GC: variants seen among roughly 807,000 people sequenced by gnomAD.
GC encodes GC vitamin D binding protein, also known as vitamin D-binding protein.
Under a neutral mutation model 56.7 loss-of-function variants are expected in GC, and 43 were observed. The observed-to-expected ratio is 0.76, with a 90% CI of 0.59 to 0.98. GC has a LOEUF of 0.98. GC is among the 50% of genes least tolerant of loss of function. GC has a pLI of 0.00. For missense variants in GC, 529 were observed against 545.9 expected, an observed-to-expected ratio of 0.97 and a Z score of 0.31; for synonymous variants, 216 against 202.7, an observed-to-expected ratio of 1.07 and a Z score of -0.56.
chr4:71,758,394 C>T (rs536606734), intron 6 of GC, among the ~76,000 whole-genome samples: 4 of 152,264 alleles, frequency 2.6e-5, no homozygotes, highest in African/African-American at 9.6e-5. Context: ...TACCCAAATG[C>T]AGCTTCTCTT....
chr4:71,753,058 T>C (rs1741607835), intron 10 of GC, among the ~76,000 whole-genome samples: 1 of 152,192 alleles, frequency 6.6e-6, no homozygotes, highest in Non-Finnish European at 1.5e-5. Context: ...TTATATAATT[T>C]CACCCTCAAT....
At chr4:71,805,362 T>G (rs1347388030), upstream of GC, among the ~76,000 whole-genome samples, 2 of 152,220 alleles carry the variant, frequency 1.3e-5, no homozygotes, top group African/African-American at 4.8e-5. Flanking sequence ...AAGGGTTCTG[T>G]CGCAATCTGT....
At chr4:71,754,296 C>T in intron 10 of GC, 115 bp downstream of exon 10, 1 of 618,304 alleles carries the variant, frequency 1.6e-6, no homozygotes, top group Non-Finnish European at 2.9e-6. Flanking sequence ...ATTGAACCTC[C>T]TTTTGTTGTT....
chr4:71,790,155 T>A (rs564603859), intron 1 of GC, among the ~76,000 whole-genome samples: 1 of 152,174 alleles, frequency 6.6e-6, no homozygotes, highest in Non-Finnish European at 1.5e-5. Flanking sequence ...TCTCGAAATC[T>A]GTTTTGTCTA....
intron 1 of GC, among the ~76,000 whole-genome samples, chr4:71,794,667 C>T (rs1721557352): frequency 6.6e-6 from 1 of 152,040 alleles, no homozygotes; most frequent in African/African-American, 2.4e-5. Context: ...TTGAGTTCTG[C>T]TCTGATCTTA....
chr4:71,801,422 C>A (rs1743245730), intron 1 of GC, among the ~76,000 whole-genome samples: 1 of 152,182 alleles, frequency 6.6e-6, no homozygotes, highest in African/African-American at 2.4e-5. Flanking sequence ...GCCGTAGACT[C>A]CTCTGCCTCC....
chr4:71,789,408 G>A lies in GC; in HGVS notation c.22-5354C>T, dbSNP rs554636126. 2.6e-5 allele frequency among the ~76,000 whole-genome samples: 4 copies of A among 151,984 alleles called. No individual in the cohort carries two copies. In the South Asian group the frequency reaches 6.2e-4, roughly 24 times the overall value. ...TGCTGTTTTATGTACATTCTCTAAT[G>A]AACAGGACTCTAAAGAGGAAGGACT... is the stretch of plus-strand genomic sequence containing the variant. On this transcript the variant is annotated intron_variant, in intron 1 of 13. Transcript: ENST00000504199.
At chr4:71,753,067 A>G (rs1209128071) in intron 10 of GC, among the ~76,000 whole-genome samples, 1 of 152,068 alleles carries the variant, frequency 6.6e-6, no homozygotes, top group Non-Finnish European at 1.5e-5. Context: ...TTCACCCTCA[A>G]TTTATCTACT....
chr4:71,797,153 T>C (rs541986484), intron 1 of GC, among the ~76,000 whole-genome samples: 42 of 152,330 alleles, frequency 2.8e-4, no homozygotes, highest in African/African-American at 9.6e-4. Context: ...AGGGACCCAC[T>C]TGAGGAGGCA....
intron 1 of GC, among the ~76,000 whole-genome samples, chr4:71,797,018 G>T (rs1351601043): frequency 6.6e-6 from 1 of 152,176 alleles, no homozygotes; most frequent in Non-Finnish European, 1.5e-5. Flanking sequence ...AGCAAATATT[G>T]CAGAACAGCA....
chr4:71,804,113 C>A, upstream of GC: 1 of 644,468 alleles, frequency 1.6e-6, no homozygotes, highest in Non-Finnish European at 2.8e-6. Context: ...AATTATATGC[C>A]AGGTCTGTCC....
upstream of GC, among the ~76,000 whole-genome samples, chr4:71,805,503 G>A (rs1275196713): frequency 2.0e-5 from 3 of 152,258 alleles, no homozygotes; most frequent in East Asian, 3.9e-4. Context: ...CAGCACTAGT[G>A]GCTGAAGAAT....
intron 1 of GC, among the ~76,000 whole-genome samples, chr4:71,771,761 G>C (rs1742350949): frequency 6.6e-6 from 1 of 152,136 alleles, no homozygotes; most frequent in Non-Finnish European, 1.5e-5. Flanking sequence ...TGGATATTGT[G>C]ACACGTTCAA....
At chr4:71,742,906 G>A (rs1039385210) in intron 12 of GC, among the ~76,000 whole-genome samples, 19 of 152,280 alleles carry the variant, frequency 1.2e-4, no homozygotes, top group South Asian at 8.3e-4. Flanking sequence ...CCTGGGAGGC[G>A]GAGCTTGCGG....
At chr4:71,805,361 G>A (rs1436817135), upstream of GC, among the ~76,000 whole-genome samples, 9 of 152,170 alleles carry the variant, frequency 5.9e-5, no homozygotes, top group Admixed American at 5.9e-4. Flanking sequence ...CAAGGGTTCT[G>A]TCGCAATCTG....
At chr4:71,784,101 T>A, upstream of GC, 2 of 1,536,978 alleles carry the variant, frequency 1.3e-6, no homozygotes, top group East Asian at 4.7e-5. Context: ...ATTGGTTTCC[T>A]TTTTACAAAG....
intron 1 of GC, among the ~76,000 whole-genome samples, chr4:71,778,067 T>A (rs1246018689): frequency 6.6e-6 from 1 of 151,638 alleles, no homozygotes; most frequent in African/African-American, 2.4e-5. Context: ...AAAACCCACA[T>A]AGGAATTCAG....
At chr4:71,757,065 G>T in intron 7 of GC, 151 bp from the exon 8 acceptor site, 1 of 607,150 alleles carries the variant, frequency 1.6e-6, no homozygotes, top group Non-Finnish European at 2.9e-6. Flanking sequence ...ATTTGGAAAG[G>T]CAGTTTGTCA....
intron 1 of GC, among the ~76,000 whole-genome samples, chr4:71,794,581 A>G (rs1743049512): frequency 6.6e-6 from 1 of 151,738 alleles, no homozygotes; most frequent in Admixed American, 6.6e-5. Flanking sequence ...TGGTCTATCA[A>G]TTTTGTTGAT....
Sources: gnomAD v4.1 joint callset for allele counts (sites outside exome capture counted in the v4.1 genomes callset) on GRCh38, gnomAD v4.1.1 for gene constraint, MANE v1.5 for transcripts, NCBI Gene and HGNC (gene_info 2026-07-23, HGNC 2026-07-21) for gene names.